Variants in EPB41L3 observed in about 807,000 individuals in gnomAD.
EPB41L3 encodes the protein erythrocyte membrane protein band 4.1 like 3.
In EPB41L3, 57 loss-of-function variants were observed where a neutral mutation model predicts 127.1. That is an observed-to-expected ratio of 0.45 (90% CI 0.36 to 0.56). The LOEUF (loss-of-function observed/expected upper bound fraction) is 0.56, where lower values mean the gene tolerates loss of function less well. Among genes scored for constraint, EPB41L3 ranks in the 20% least tolerant of loss-of-function variants. The pLI is 0.00. For missense variants in EPB41L3, 1,273 were observed against 1,372.2 expected, an observed-to-expected ratio of 0.93 and a Z score of 1.14; for synonymous variants, 572 against 549.5, an observed-to-expected ratio of 1.04 and a Z score of -0.57.
At chr18:5,568,481 T>C (rs1219993780) in intron 3 of EPB41L3, among the ~76,000 whole-genome samples, 1 of 142,564 alleles carries the variant, frequency 7.0e-6, no homozygotes, top group African/African-American at 2.6e-5. Flanking sequence ...TGTTGACACA[T>C]CAAAGAATCC....
intron 1 of EPB41L3, among the ~76,000 whole-genome samples, chr18:5,499,262 C>T (rs1390704457): frequency 6.6e-6 from 1 of 152,146 alleles, no homozygotes; most frequent in East Asian, 1.9e-4. Context: ...TGAGTTCTGC[C>T]TCCAATAACA....
rs1457291695 is a variant in EPB41L3 at position 5,424,172 on chromosome 18, A to G, written c.1163+90T>C. The G allele has an allele frequency of 4.4e-6, 4 of 914,306 alleles. No individual in the cohort carries two copies. In the African/African-American group the frequency reaches 6.9e-5, roughly 16 times the overall value. The allele number at this position is 914,306 out of a possible 1,614,324, so 56.6% of individuals were successfully genotyped here. A position where few individuals can be genotyped will look rare whatever the true frequency, so the allele number is the denominator to read the frequency against. On this transcript the variant is annotated intron_variant, in intron 10 of 22. Coordinates refer to ENST00000341928, the MANE Select transcript of EPB41L3 (RefSeq NM_012307.5). ...CAATGAACTTGAAGGGATAGAAAGAATAAAATTCCATATTTTTTATTGACA... is the reference window on the plus strand; with the variant it reads ...CAATGAACTTGAAGGGATAGAAAGAGTAAAATTCCATATTTTTTATTGACA...
intron 3 of EPB41L3, among the ~76,000 whole-genome samples, chr18:5,558,219 C>T (rs993821280): frequency 6.6e-6 from 1 of 152,168 alleles, no homozygotes; most frequent in South Asian, 2.1e-4. Context: ...CAGAAGACAA[C>T]ATTCCTTTGA....
intron 1 of EPB41L3, among the ~76,000 whole-genome samples, chr18:5,521,886 A>G (rs894339766): frequency 6.6e-6 from 1 of 152,230 alleles, no homozygotes; most frequent in African/African-American, 2.4e-5. Context: ...CTCAGTGGGC[A>G]CTTGAAATAT....
At chr18:5,502,021 C>T (rs180991840) in intron 1 of EPB41L3, among the ~76,000 whole-genome samples, 28 of 149,706 alleles carry the variant, frequency 1.9e-4, no homozygotes, top group Middle Eastern at 6.9e-3. Context: ...CTGGCTCAGT[C>T]GCCATCTTCC....
chr18:5,442,209 A>T (rs1256202485), intron 5 of EPB41L3, among the ~76,000 whole-genome samples: 1 of 152,130 alleles, frequency 6.6e-6, no homozygotes, highest in Non-Finnish European at 1.5e-5. Context: ...TATTTATCTT[A>T]ATTTTTTTCT....
chr18:5,422,753 G>C (rs2077637561), intron 11 of EPB41L3, among the ~76,000 whole-genome samples: 1 of 152,142 alleles, frequency 6.6e-6, no homozygotes, highest in African/African-American at 2.4e-5. Flanking sequence ...CCCCTAAAAA[G>C]GTAGTTTGAA....
chr18:5,404,855 T>G lies in EPB41L3; in HGVS notation c.2349+1922A>C, dbSNP rs187654838. Among the ~76,000 whole-genome samples the G allele has an allele frequency of 2.0e-4, 31 of 152,288 alleles. 1 individual carries two copies. In the East Asian group the frequency reaches 5.8e-3, roughly 28 times the overall value. On this transcript the variant is annotated intron_variant, in intron 16 of 22. Transcript: ENST00000341928. ...GCCAGTAAATTATTTCCAAAAGAGG[T>G]AGTAGAAATAGGATAAGCCAAACTT...
chr18:5,493,574 GA>G (rs33919613), intron 1 of EPB41L3, among the ~76,000 whole-genome samples: 2 of 150,112 alleles, frequency 1.3e-5, no homozygotes, highest in Admixed American at 6.6e-5. Flanking sequence ...CTATTTGCAT[GA>G]AAAAAAAATG....
intron 5 of EPB41L3, among the ~76,000 whole-genome samples, chr18:5,442,925 T>C (rs543621470): frequency 6.6e-6 from 1 of 152,194 alleles, no homozygotes; most frequent in Non-Finnish European, 1.5e-5. Context: ...ATGCTATAGA[T>C]AATATTTTGC....
Position 5,393,429 on chromosome 18 carries a change from GT to G in EPB41L3, c.*55del. 1.4e-6 allele frequency: 1 copy of G among 698,400 alleles called. No homozygotes were observed. Among genetic ancestry groups the G allele is most frequent in the Non-Finnish European group, 2.6e-6 (1 of 383,352 alleles). 43.3% of individuals were successfully genotyped at this position (698,400 alleles called of 1,614,324 possible). On this transcript the variant is annotated 3_prime_UTR_variant, in exon 23 of 23. Transcript: ENST00000341928. Reference sequence around the variant, plus strand: ...AAGAGGGAACTCCATATAGGCTCTGGTTTTCCTAACGGTTTGCATGACTGCA... The same window carrying G: ...AAGAGGGAACTCCATATAGGCTCTGGTTTCCTAACGGTTTGCATGACTGCA...
rs1275323856 is a variant in EPB41L3, at chr18:5,478,443, G to C, written c.184-5C>G. On this transcript the variant is annotated splice_region_variant and splice_polypyrimidine_tract_variant and intron_variant, in intron 2 of 22. Coordinates refer to ENST00000341928, the MANE Select transcript of EPB41L3 (RefSeq NM_012307.5). ...CTCCTGTTCCTTGTCAGTGACCTGTGAAGAGCAAACAATCAACAGTTTTCA... is the reference window on the plus strand; with the variant it reads ...CTCCTGTTCCTTGTCAGTGACCTGTCAAGAGCAAACAATCAACAGTTTTCA... 3 of 1,613,794 alleles carry C rather than the reference G, an allele frequency of 1.9e-6. No homozygotes were observed. Among genetic ancestry groups the C allele is most frequent in the Middle Eastern group, 1.6e-4 (1 of 6,062 alleles).
intron 3 of EPB41L3, among the ~76,000 whole-genome samples, chr18:5,589,624 T>C (rs879925582): frequency 4.6e-5 from 7 of 152,354 alleles, no homozygotes; most frequent in Admixed American, 3.9e-4. Flanking sequence ...TGTTTATATA[T>C]ACCCCAGTCT....
chr18:5,474,014 G>T (rs764448639), intron 3 of EPB41L3, among the ~76,000 whole-genome samples: 1 of 152,060 alleles, frequency 6.6e-6, no homozygotes, highest in Non-Finnish European at 1.5e-5. Context: ...GGTGGATCAC[G>T]AGGTCAGGAG....
Position 5,489,077 on chromosome 18 carries a change from G to C in EPB41L3, c.107C>G (p.Pro36Arg). The C allele has an allele frequency of 6.3e-7, 1 of 1,594,080 alleles. No individual in the cohort carries two copies. Among genetic ancestry groups the C allele is most frequent in the Non-Finnish European group, 8.5e-7 (1 of 1,174,654 alleles). The stretch of plus-strand genomic sequence containing the variant: ...GGCCTGCTGCTGCTCCTCCTTGGGC[G>C]GCTCCGGCACGGGCGCCCCCGCGCG... ...QGRAGAPVPE[P>R]PKEEQQQALE... The change falls in exon 2 of 23, where the codon CCG becomes CGG. Residue 36 changes from proline to arginine, a missense_variant. Physicochemically the swap from Pro to Arg is moderately radical, Grantham distance 103. Around this residue, in one of 3 missense-constraint regions of EPB41L3, gnomAD observed 182 missense variants for 149.2 expected, o/e 1.22. Coordinates refer to ENST00000341928, the MANE Select transcript of EPB41L3 (RefSeq NM_012307.5).
intron 1 of EPB41L3, among the ~76,000 whole-genome samples, chr18:5,540,778 G>T (rs1311431631): frequency 8.5e-5 from 13 of 152,134 alleles, no homozygotes; most frequent in Non-Finnish European, 1.3e-4. Context: ...GACGGCCAGG[G>T]TAGATTACTC....
At chr18:5,538,131 T>C (rs1040751311) in intron 1 of EPB41L3, among the ~76,000 whole-genome samples, 1 of 152,220 alleles carries the variant, frequency 6.6e-6, no homozygotes, top group Non-Finnish European at 1.5e-5. Flanking sequence ...GATTGAGTTA[T>C]TCAACGCATA....
chr18:5,569,937 G>A (rs2094255691), intron 3 of EPB41L3, among the ~76,000 whole-genome samples: 1 of 152,120 alleles, frequency 6.6e-6, no homozygotes, highest in African/African-American at 2.4e-5. Context: ...TATGTATCAA[G>A]TTTTCTAAAA....
At chr18:5,521,167 T>G (rs1170634883) in intron 1 of EPB41L3, 2 of 152,234 alleles carry the variant, frequency 1.3e-5, no homozygotes, top group African/African-American at 4.8e-5. Flanking sequence ...ATAACTAGTC[T>G]GGTATAGAAA....
Sources: gnomAD v4.1 joint callset for allele counts (sites outside exome capture counted in the v4.1 genomes callset) on GRCh38, gnomAD v4.1.1 for gene constraint, gnomAD v4.1.1 regional missense constraint, MANE v1.5 for transcripts, NCBI Gene and HGNC (gene_info 2026-07-23, HGNC 2026-07-21) for gene names.